OPCML: variants seen among roughly 807,000 people sequenced by gnomAD.
The protein encoded by OPCML is opioid binding protein/cell adhesion molecule like.
In OPCML, 13 loss-of-function variants were observed where a neutral mutation model predicts 37.8. The ratio of observed to expected loss-of-function variants is 0.34; its 90% CI spans 0.22 to 0.55. The LOEUF is 0.55. Among genes scored for constraint, OPCML ranks in the 20% least tolerant of loss-of-function variants. The pLI is 0.91. For missense variants in OPCML, 341 were observed against 435.6 expected, an observed-to-expected ratio of 0.78 and a Z score of 1.93; for synonymous variants, 176 against 168.8, an observed-to-expected ratio of 1.04 and a Z score of -0.33.
At chr11:132,990,226 GGC>G (rs1946751242) in intron 1 of OPCML, among the ~76,000 whole-genome samples, 1 of 152,144 alleles carries the variant, frequency 6.6e-6, no homozygotes, top group African/African-American at 2.4e-5. Context: ...GTGCCTACAG[GGC>G]GTGCACCGAG....
chr11:133,326,488 G>A (rs1319068395), intron 1 of OPCML, among the ~76,000 whole-genome samples: 7 of 141,310 alleles, frequency 5.0e-5, no homozygotes, highest in Admixed American at 1.4e-4. Flanking sequence ...GTATGAGGGG[G>A]TGTGGGTGTG....
chr11:133,060,302 G>C (rs1948318065), intron 1 of OPCML, among the ~76,000 whole-genome samples: 2 of 152,116 alleles, frequency 1.3e-5, no homozygotes, highest in South Asian at 4.2e-4. Flanking sequence ...TAAAGAGAGA[G>C]AACACAGAAG....
intron 2 of OPCML, among the ~76,000 whole-genome samples, chr11:132,748,855 T>A (rs1024332775): frequency 7.2e-5 from 11 of 152,158 alleles, no homozygotes; most frequent in Non-Finnish European, 2.9e-5. Flanking sequence ...CTGTGTGAAC[T>A]TCCACAGGGC....
intron 3 of OPCML, among the ~76,000 whole-genome samples, chr11:132,616,111 TA>T (rs1938998036): frequency 6.6e-6 from 1 of 152,210 alleles, no homozygotes; most frequent in African/African-American, 2.4e-5. Flanking sequence ...CTATGCTCAA[TA>T]AAAACTTTTT....
At chr11:133,122,890 T>C (rs987190813) in intron 1 of OPCML, among the ~76,000 whole-genome samples, 1 of 152,236 alleles carries the variant, frequency 6.6e-6, no homozygotes, top group African/African-American at 2.4e-5. Context: ...CGAGTAATTC[T>C]ATTCTCCAGC....
intron 1 of OPCML, chr11:133,420,518 C>A (rs1302757658): frequency 1.0e-6 from 1 of 983,262 alleles, no homozygotes; most frequent in Non-Finnish European, 1.2e-6. Flanking sequence ...TTGGTGTTAA[C>A]AACTTATTCT....
At chr11:132,883,902 C>G (rs766217870) in intron 2 of OPCML, among the ~76,000 whole-genome samples, 4 of 152,154 alleles carry the variant, frequency 2.6e-5, no homozygotes, top group Non-Finnish European at 5.9e-5. Flanking sequence ...TGTTTAAGCT[C>G]TATTCAATAT....
Position 133,532,349 on chromosome 11 carries a change from G to A in OPCML, c.-25C>T. On this transcript the variant is annotated 5_prime_UTR_variant, in exon 1 of 8. Coordinates refer to ENST00000524381, the MANE Select transcript of OPCML (RefSeq NM_001012393.5). Reference sequence around the variant, plus strand: ...TCTCGACGCTGCGGTGCTCTCAGCTGCCGGGCTTGCTACTGCTTCTGCTGC... The same window carrying A: ...TCTCGACGCTGCGGTGCTCTCAGCTACCGGGCTTGCTACTGCTTCTGCTGC... 1 of 1,610,320 alleles carries A rather than the reference G, an allele frequency of 6.2e-7. No individual in the cohort carries two copies. The highest frequency in any genetic ancestry group is 8.5e-7 in the Non-Finnish European group (1 of 1,178,400).
intron 2 of OPCML, among the ~76,000 whole-genome samples, chr11:132,817,976 T>C (rs1246178818): frequency 2.0e-5 from 3 of 152,218 alleles, no homozygotes; most frequent in Non-Finnish European, 4.4e-5. Context: ...AAACTCATTC[T>C]AAGTTGACAT....
At chr11:132,606,329 A>T (rs1483788258) in intron 3 of OPCML, among the ~76,000 whole-genome samples, 1 of 152,086 alleles carries the variant, frequency 6.6e-6, no homozygotes, top group African/African-American at 2.4e-5. Flanking sequence ...TGCTGGGGAG[A>T]CGCTCGTCCT....
intron 3 of OPCML, among the ~76,000 whole-genome samples, chr11:132,648,340 G>T (rs1358453377): frequency 2.6e-5 from 4 of 152,136 alleles, no homozygotes; most frequent in Non-Finnish European, 5.9e-5. Context: ...TGGCAGACAG[G>T]TCTCTTCGGA....
intron 1 of OPCML, among the ~76,000 whole-genome samples, chr11:133,141,887 G>A (rs745518719): frequency 1.3e-5 from 2 of 151,750 alleles, no homozygotes; most frequent in Non-Finnish European, 2.9e-5. Context: ...TCCTTCTCAC[G>A]CTCTGTCTCA....
intron 2 of OPCML, among the ~76,000 whole-genome samples, chr11:132,732,113 G>A (rs1050413962): frequency 7.9e-5 from 12 of 152,186 alleles, no homozygotes; most frequent in Admixed American, 3.9e-4. Flanking sequence ...GTGAGACAGA[G>A]CAAGTGTTGG....
At chr11:133,160,988 G>A (rs1950133780) in intron 1 of OPCML, among the ~76,000 whole-genome samples, 1 of 152,238 alleles carries the variant, frequency 6.6e-6, no homozygotes, top group Non-Finnish European at 1.5e-5. Context: ...CAGGTACATG[G>A]AGCTGGATGG....
chr11:133,005,349 A>T (rs1005820536), intron 1 of OPCML: 21 of 985,324 alleles, frequency 2.1e-5, no homozygotes, highest in Non-Finnish European at 2.5e-5. Context: ...AGTAAATGTG[A>T]TGTAGACACA....
intron 1 of OPCML, among the ~76,000 whole-genome samples, chr11:133,018,302 T>C (rs118064291): frequency 1.3e-5 from 2 of 151,950 alleles, no homozygotes; most frequent in African/African-American, 4.8e-5. Flanking sequence ...ATGCAGAAGA[T>C]AGAAAGTGCA....
At chr11:133,137,491 G>T (rs916204343) in intron 1 of OPCML, among the ~76,000 whole-genome samples, 1 of 152,202 alleles carries the variant, frequency 6.6e-6, no homozygotes, top group Admixed American at 6.5e-5. Flanking sequence ...AGCACAGAAG[G>T]AATGTCAAGG....
chr11:132,847,572 C>T (rs1941605174), intron 2 of OPCML, among the ~76,000 whole-genome samples: 1 of 151,940 alleles, frequency 6.6e-6, no homozygotes, highest in African/African-American at 2.4e-5. Context: ...TCTCATGACT[C>T]CTAAAGAGGG....
chr11:133,363,040 C>T (rs577388940), intron 1 of OPCML, among the ~76,000 whole-genome samples: 2 of 152,288 alleles, frequency 1.3e-5, no homozygotes, highest in South Asian at 4.1e-4. Flanking sequence ...TGCGCGAGGC[C>T]AGCCAGGCAT....
Sources: gnomAD v4.1 joint callset for allele counts (sites outside exome capture counted in the v4.1 genomes callset) on GRCh38, gnomAD v4.1.1 for gene constraint, MANE v1.5 for transcripts, NCBI Gene and HGNC (gene_info 2026-07-23, HGNC 2026-07-21) for gene names.